ANO4: variants seen among roughly 807,000 people sequenced by gnomAD.
The protein encoded by ANO4 is anoctamin-4.
ANO4 carries 69 observed loss-of-function variants against 141.9 expected under a neutral mutation model. That is an observed-to-expected ratio of 0.49 (90% CI 0.40 to 0.59). ANO4 has a LOEUF of 0.59. ANO4 is among the 20% of genes least tolerant of loss of function. ANO4 has a pLI of 0.00. For synonymous variants in ANO4, 350 were observed against 394.3 expected, an observed-to-expected ratio of 0.89 and a Z score of 1.33; for missense variants, 894 against 1,162.2, an observed-to-expected ratio of 0.77 and a Z score of 3.36.
Position 101,007,441 on chromosome 12 carries a change from C to T in ANO4, c.735-12593C>T, listed in dbSNP as rs184058139. 3.3e-5 allele frequency among the ~76,000 whole-genome samples: 5 copies of T among 152,280 alleles called. No individual in the cohort carries two copies. The East Asian group carries it at 9.6e-4, about 29-fold the overall frequency. ...TATGAGCATCATGTGTATGTAACCA[C>T]ACTGCATGCAGTATCTCTTAATCCT... On this transcript the variant is annotated intron_variant, in intron 8 of 27. Coordinates refer to ENST00000392977, the MANE Select transcript of ANO4 (RefSeq NM_001286615.2).
chr12:101,019,702 A>G (rs901523231), intron 8 of ANO4, among the ~76,000 whole-genome samples: 2 of 152,206 alleles, frequency 1.3e-5, no homozygotes, highest in African/African-American at 4.8e-5. Context: ...GAAAAACAAA[A>G]TGAATTTTTA....
chr12:100,939,329 A>G lies in ANO4; in HGVS notation c.175A>G (p.Asn59Asp). The change falls in exon 4 of 28, where the codon AAT becomes GAT. Residue 59 changes from asparagine to aspartate, a missense_variant. By Grantham distance (23) the Asn-to-Asp change is conservative (BLOSUM62 1). Transcript: ENST00000392977. ...TTTGGTTCTAGTGGCCAAGGATGTC[A>G]ATATTCTTTTTGATGAATTAGAAGC... ...NAIQEMAKDVNILFDELEAVS... is the reference protein window; with the variant it reads ...NAIQEMAKDVDILFDELEAVS... 6.2e-7 allele frequency: 1 copy of G among 1,613,306 alleles called. No individual in the cohort carries two copies. The highest frequency in any genetic ancestry group is 8.5e-7 in the Non-Finnish European group (1 of 1,179,418).
At chr12:101,057,378 G>A (rs768916338) in intron 14 of ANO4, among the ~76,000 whole-genome samples, 1 of 152,150 alleles carries the variant, frequency 6.6e-6, no homozygotes, top group African/African-American at 2.4e-5. Context: ...TCAGTAATGG[G>A]ATTGCTGGGT....
At chr12:100,908,331 G>A (rs565452381) in intron 2 of ANO4, among the ~76,000 whole-genome samples, 20 of 152,178 alleles carry the variant, frequency 1.3e-4, no homozygotes, top group African/African-American at 4.8e-4. Flanking sequence ...CCTGGGCAAC[G>A]AGCAAAACTC....
intron 14 of ANO4, among the ~76,000 whole-genome samples, chr12:101,049,614 A>G (rs2047779800): frequency 6.6e-6 from 1 of 152,086 alleles, no homozygotes; most frequent in Non-Finnish European, 1.5e-5. Flanking sequence ...GAGAAGAAGA[A>G]AGAAAAAGAA....
chr12:101,064,663 T>TATAATAATA (rs199759578), intron 14 of ANO4, among the ~76,000 whole-genome samples: 1,875 of 130,150 alleles, frequency 0.014, 32 homozygotes, highest in Admixed American at 0.037. Context: ...CTTAAAGTAT[T>TATAATAATA]ATAATAATAA....
chr12:101,070,006 AGAAATT>A (rs1403995198), intron 14 of ANO4, among the ~76,000 whole-genome samples: 1 of 152,108 alleles, frequency 6.6e-6, no homozygotes, highest in Non-Finnish European at 1.5e-5. Flanking sequence ...ACTAAAAAAA[AGAAATT>A]GAAGAGGACA....
intron 26 of ANO4, among the ~76,000 whole-genome samples, chr12:101,122,037 G>C (rs968201745): frequency 1.3e-5 from 2 of 152,094 alleles, no homozygotes; most frequent in Non-Finnish European, 2.9e-5. Flanking sequence ...GATTACAGGC[G>C]TGAGCCACTG....
chr12:101,058,086 G>C (rs1485091066), intron 14 of ANO4, among the ~76,000 whole-genome samples: 1 of 152,308 alleles, frequency 6.6e-6, no homozygotes, highest in East Asian at 1.9e-4. Flanking sequence ...CATATGGCTA[G>C]CCAGTTTTCC....
chr12:101,110,403 G>C lies in ANO4; in HGVS notation c.2150-1G>C. On this transcript the variant is annotated splice_acceptor_variant, in intron 22 of 27. Transcript: ENST00000392977. LOFTEE classifies it high-confidence loss of function. ...GCTCTTTTTCCTTTTTTCTTTTCTA[G>C]TTCTTCAGTTTGGATTCACAACTAT... The C allele has an allele frequency of 6.3e-7, 1 of 1,597,726 alleles. No homozygotes were observed. The highest frequency in any genetic ancestry group is 2.2e-5 in the East Asian group (1 of 44,492).
At chr12:101,126,188 TA>T (rs1175822779) in intron 26 of ANO4, among the ~76,000 whole-genome samples, 1 of 152,218 alleles carries the variant, frequency 6.6e-6, no homozygotes, top group Non-Finnish European at 1.5e-5. Flanking sequence ...GAAGAATACT[TA>T]GCAGTATCAT....
intron 8 of ANO4, among the ~76,000 whole-genome samples, chr12:101,010,475 A>G (rs982678290): frequency 6.6e-6 from 1 of 152,184 alleles, no homozygotes; most frequent in East Asian, 1.9e-4. Flanking sequence ...TCAATGTTAT[A>G]TATTTGGCCT....
At chr12:100,767,252 C>T (rs1411650366) in intron 3 of ANO4, among the ~76,000 whole-genome samples, 1 of 152,006 alleles carries the variant, frequency 6.6e-6, no homozygotes, top group Non-Finnish European at 1.5e-5. Context: ...TAATTGTTTT[C>T]TGACTGTTTT....
At chr12:101,124,587 A>G (rs755124226) in intron 26 of ANO4, among the ~76,000 whole-genome samples, 12 of 152,010 alleles carry the variant, frequency 7.9e-5, no homozygotes, top group Non-Finnish European at 5.9e-5. Flanking sequence ...TTCTTCTAGG[A>G]TTTTTATAGT....
chr12:100,740,874 A>G (rs927531204), intron 3 of ANO4, among the ~76,000 whole-genome samples: 2 of 152,206 alleles, frequency 1.3e-5, no homozygotes, highest in African/African-American at 2.4e-5. Context: ...TGTATTGTCT[A>G]TGGCTGTTTT....
At chr12:101,082,083 C>T (rs1478747126) in intron 15 of ANO4, among the ~76,000 whole-genome samples, 2 of 152,178 alleles carry the variant, frequency 1.3e-5, no homozygotes, top group African/African-American at 4.8e-5. Context: ...CCACCCAAAT[C>T]TCATCTTTAG....
At chr12:100,912,544 C>CA (rs922498306) in intron 2 of ANO4, among the ~76,000 whole-genome samples, 1 of 149,450 alleles carries the variant, frequency 6.7e-6, no homozygotes, top group African/African-American at 2.5e-5. Context: ...AAAAAAAAAA[C>CA]AAAAAAACAA....
At chr12:100,748,158 A>G (rs1410744395) in intron 3 of ANO4, among the ~76,000 whole-genome samples, 2 of 152,128 alleles carry the variant, frequency 1.3e-5, no homozygotes, top group Non-Finnish European at 2.9e-5. Flanking sequence ...GTTGCTATGA[A>G]TTTGCCTGGG....
chr12:100,898,464 A>AT (rs989309857), intron 1 of ANO4, among the ~76,000 whole-genome samples: 2 of 152,170 alleles, frequency 1.3e-5, no homozygotes, highest in African/African-American at 4.8e-5. Flanking sequence ...AAGAACATGG[A>AT]TTTTTCTCAG....
Sources: allele counts gnomAD v4.1 joint callset (sites outside exome capture counted in the v4.1 genomes callset), GRCh38; gene constraint gnomAD v4.1.1; transcripts MANE v1.5; gene names NCBI Gene and HGNC (gene_info 2026-07-23, HGNC 2026-07-21).